Variants in TTYH3 observed in about 807,000 individuals in gnomAD.
TTYH3 encodes tweety family member 3, also known as protein tweety homolog 3.
Under a neutral mutation model 68.2 loss-of-function variants are expected in TTYH3, and 23 were observed. The observed-to-expected ratio is 0.34, with a 90% CI of 0.24 to 0.48. TTYH3 has a LOEUF of 0.48. Among genes scored for constraint, TTYH3 ranks in the 20% least tolerant of loss-of-function variants. TTYH3 has a pLI of 0.99. For missense variants in TTYH3, 768 were observed against 727.7 expected, an observed-to-expected ratio of 1.06 and a Z score of -0.64; for synonymous variants, 360 against 332.8, an observed-to-expected ratio of 1.08 and a Z score of -0.89.
At chr7:2,656,314 C>T in intron 10 of TTYH3, 84 bp from the exon 11 acceptor site, 1 of 1,572,554 alleles carries the variant, frequency 6.4e-7, no homozygotes, top group Non-Finnish European at 8.6e-7. Context: ...GCGGTCCAGG[C>T]CGCCGTGGCT....
intron 1 of TTYH3, among the ~76,000 whole-genome samples, chr7:2,637,191 C>T (rs751437085): frequency 1.3e-4 from 4 of 30,490 alleles, no homozygotes; most frequent in Non-Finnish European, 1.8e-4. Flanking sequence ...TTCTTCCTCC[C>T]CTGACCCCTG....
intron 8 of TTYH3, among the ~76,000 whole-genome samples, chr7:2,652,576 G>A (rs962888084): frequency 2.0e-5 from 3 of 152,198 alleles, no homozygotes; most frequent in African/African-American, 7.2e-5. Flanking sequence ...GTCCTGGTGG[G>A]GGAGTTTGAA....
chr7:2,640,008 C>T (rs1479266597), intron 1 of TTYH3, among the ~76,000 whole-genome samples: 1 of 145,312 alleles, frequency 6.9e-6, no homozygotes, highest in Admixed American at 6.9e-5. Flanking sequence ...GGCCTGCCAG[C>T]TCACCCGCCC....
chr7:2,638,458 C>T (rs1293025943), intron 1 of TTYH3, among the ~76,000 whole-genome samples: 1 of 152,156 alleles, frequency 6.6e-6, no homozygotes, highest in African/African-American at 2.4e-5. Flanking sequence ...GGCTCTGAGC[C>T]TCAGCCCCAG....
intron 7 of TTYH3, among the ~76,000 whole-genome samples, chr7:2,650,750 T>C (rs576262076): frequency 1.3e-3 from 197 of 151,706 alleles, no homozygotes; most frequent in Non-Finnish European, 2.4e-3. Context: ...AGGGGAGAGA[T>C]TTGACCCATG....
At chr7:2,637,711 G>A (rs1785717341) in intron 1 of TTYH3, among the ~76,000 whole-genome samples, 1 of 152,180 alleles carries the variant, frequency 6.6e-6, no homozygotes, top group African/African-American at 2.4e-5. Flanking sequence ...ATGTGACAGC[G>A]GGTGGATGGT....
chr7:2,649,456 T>C (rs1413499896), intron 5 of TTYH3, 111 bp from the exon 6 acceptor site: 1 of 1,061,510 alleles, frequency 9.4e-7, no homozygotes, highest in African/African-American at 1.6e-5. Flanking sequence ...CCAGCCCATG[T>C]GTGGGCTGAC....
chr7:2,646,913 C>G lies in TTYH3; in HGVS notation c.184C>G (p.Leu62Val), dbSNP rs771941725. ...CCTCGCCCTGGACCTCCTCTTCCTG[C>G]TCTTCTACTCCTTCTGGCTGTGCTG... ...ACLALDLLFL[L>V]FYSFWLCCRR... The change falls in exon 2 of 14, where the codon CTC becomes GTC. Residue 62 changes from leucine to valine, a missense_variant. Transcript: ENST00000258796. The G allele has an allele frequency of 4.4e-6, 7 of 1,600,154 alleles. No individual in the cohort carries two copies. In the Admixed American group the frequency reaches 1.0e-4, roughly 23 times the overall value.
chr7:2,647,675 G>T, intron 4 of TTYH3, 37 bp downstream of exon 4: 1 of 1,532,464 alleles, frequency 6.5e-7, no homozygotes, highest in Non-Finnish European at 8.8e-7. Context: ...GCCCCACGTG[G>T]GAAAGCATCA....
intron 1 of TTYH3, 110 bp downstream of exon 1, chr7:2,632,388 C>G (rs563908699): frequency 5.9e-6 from 7 of 1,179,384 alleles, no homozygotes; most frequent in South Asian, 1.9e-5. Context: ...CTCATCCCCC[C>G]CTCCAGGGTC....
Position 2,647,605 on chromosome 7 carries a change from T to TGGCGGAGCAGGTGGATCTCTACGACTG in TTYH3, c.595_621dup (p.Ala199_Trp207dup). On this transcript the variant is annotated inframe_insertion, in exon 4 of 14. Coordinates refer to ENST00000258796, the MANE Select transcript of TTYH3 (RefSeq NM_025250.3). Reference sequence around the variant, plus strand: ...AACACGGCGGTGTCGCTGGAGGTGCTGGCGGAGCAGGTGGATCTCTACGAC... The same window carrying TGGCGGAGCAGGTGGATCTCTACGACTG: ...AACACGGCGGTGTCGCTGGAGGTGCTGGCGGAGCAGGTGGATCTCTACGACTGGGCGGAGCAGGTGGATCTCTACGAC... 1 of 1,574,244 alleles carries TGGCGGAGCAGGTGGATCTCTACGACTG rather than the reference T, an allele frequency of 6.4e-7. No homozygotes were observed. Among genetic ancestry groups the TGGCGGAGCAGGTGGATCTCTACGACTG allele is most frequent in the Non-Finnish European group, 8.6e-7 (1 of 1,160,830 alleles).
Position 2,646,750 on chromosome 7 carries a change from G to A in TTYH3, c.124-103G>A. The A allele has an allele frequency of 3.1e-6, 4 of 1,276,738 alleles. No homozygotes were observed. In the South Asian group the frequency reaches 4.3e-5, roughly 14 times the overall value. 79.1% of individuals were successfully genotyped at this position (1,276,738 alleles called of 1,614,324 possible). A position where few individuals can be genotyped will look rare whatever the true frequency, so the allele number is the denominator to read the frequency against. On this transcript the variant is annotated intron_variant, in intron 1 of 13. Transcript: ENST00000258796. ...TGGGGCCCACCTCCCAGGGCTGGGG[G>A]CAGGATTAAATGGGAGTCTGCGCCA...
intron 1 of TTYH3, among the ~76,000 whole-genome samples, chr7:2,638,365 G>A (rs1468504523): frequency 1.3e-5 from 2 of 152,144 alleles, no homozygotes; most frequent in African/African-American, 2.4e-5. Flanking sequence ...GGGGGAGGGC[G>A]GGCGTGGGCA....
rs907431602 is a variant in TTYH3, at chr7:2,660,634, C to T, written c.1501-1034C>T. On this transcript the variant is annotated intron_variant, in intron 13 of 13. Coordinates refer to ENST00000258796, the MANE Select transcript of TTYH3 (RefSeq NM_025250.3). ...GACGAGGCTCCGGGCCGTGGCTCCT[C>T]CCCCCACCCCCTCCGTGGCGTCCCC... The T allele has an allele frequency of 1.0e-5, 9 of 859,380 alleles. No homozygotes were observed. The Admixed American group carries it at 1.9e-4, about 18-fold the overall frequency. 53.2% of individuals were successfully genotyped at this position (859,380 alleles called of 1,614,324 possible).
chr7:2,658,631 G>A (rs1371014565), intron 12 of TTYH3, among the ~76,000 whole-genome samples, 172 bp downstream of exon 12: 3 of 152,236 alleles, frequency 2.0e-5, no homozygotes, highest in Admixed American at 2.0e-4. Flanking sequence ...CAGGGGCCAT[G>A]GAGAGGCCAC....
chr7:2,638,392 C>A (rs1308946017), intron 1 of TTYH3, among the ~76,000 whole-genome samples: 1 of 152,084 alleles, frequency 6.6e-6, no homozygotes, highest in East Asian at 1.9e-4. Flanking sequence ...GAGCTGGGGT[C>A]CCCCGGCTAC....
At chr7:2,649,260 A>C (rs1786092910) in intron 5 of TTYH3, among the ~76,000 whole-genome samples, 1 of 152,030 alleles carries the variant, frequency 6.6e-6, no homozygotes, top group Non-Finnish European at 1.5e-5. Context: ...CCCACGTGAA[A>C]GTGGACACTG....
chr7:2,652,879 CCAG>C, intron 8 of TTYH3, 36 bp from the exon 9 acceptor site: 2 of 1,498,842 alleles, frequency 1.3e-6, no homozygotes, highest in Non-Finnish European at 1.8e-6. Flanking sequence ...GCGGGCGGAC[CCAG>C]CAGCGCCCAT....
At chr7:2,648,227 G>A (rs555371897) in intron 5 of TTYH3, 173 bp downstream of exon 5, 1 of 623,278 alleles carries the variant, frequency 1.6e-6, no homozygotes, top group Non-Finnish European at 2.8e-6. Context: ...CTGTGCCTGT[G>A]GCCTGTGCCC....
Sources: gnomAD v4.1 joint callset for allele counts (sites outside exome capture counted in the v4.1 genomes callset) on GRCh38, gnomAD v4.1.1 for gene constraint, MANE v1.5 for transcripts, NCBI Gene and HGNC (gene_info 2026-07-23, HGNC 2026-07-21) for gene names.